The following DLG2 variants were observed in gnomAD, a reference collection of about 807,000 sequenced individuals.
DLG2 encodes discs large MAGUK scaffold protein 2.
A neutral mutation model predicts 132.5 loss-of-function variants in DLG2; 45 were observed. That is an observed-to-expected ratio of 0.34 (90% CI 0.27 to 0.44). The LOEUF is 0.44. Ranked by LOEUF, DLG2 falls within the 20% of genes least tolerant of loss-of-function variation. DLG2 has a pLI of 1.00. For missense variants in DLG2, 1,045 were observed against 1,196.9 expected (o/e 0.87, Z 1.87); for synonymous variants, 424 against 419.6 (o/e 1.01, Z -0.13).
chr11:84,729,587 A>G (rs1185016964), intron 6 of DLG2, among the ~76,000 whole-genome samples: 1 of 152,054 alleles, frequency 6.6e-6, no homozygotes, highest in Admixed American at 6.6e-5. Context: ...GTTCACCGTA[A>G]TTTCTAAGTC....
intron 11 of DLG2, among the ~76,000 whole-genome samples, chr11:84,027,389 G>A (rs1482004071): frequency 6.6e-6 from 1 of 151,948 alleles, no homozygotes; most frequent in Non-Finnish European, 1.5e-5. Context: ...TTTCTTAATT[G>A]ATAGTGAAGA....
chr11:84,881,555 C>G (rs1349964384), intron 6 of DLG2, among the ~76,000 whole-genome samples: 1 of 152,108 alleles, frequency 6.6e-6, no homozygotes, highest in Non-Finnish European at 1.5e-5. Flanking sequence ...ATTTGGGGCA[C>G]ATGATTGTGC....
intron 3 of DLG2, among the ~76,000 whole-genome samples, chr11:85,438,412 T>A (rs1023688247): frequency 6.6e-6 from 1 of 152,216 alleles, no homozygotes; most frequent in African/African-American, 2.4e-5. Flanking sequence ...CATGCCCTGA[T>A]ATATTTTAAA....
At chr11:84,721,190 C>T (rs2061797025) in intron 6 of DLG2, among the ~76,000 whole-genome samples, 1 of 152,144 alleles carries the variant, frequency 6.6e-6, no homozygotes, top group Non-Finnish European at 1.5e-5. Context: ...TCCTCCCAGC[C>T]CTTTGACAAC....
chr11:85,162,874 G>C (rs1382586368), intron 4 of DLG2, among the ~76,000 whole-genome samples: 2 of 152,160 alleles, frequency 1.3e-5, no homozygotes, highest in East Asian at 3.9e-4. Flanking sequence ...TCAAAGTATT[G>C]ATCCTGGGTG....
intron 15 of DLG2, among the ~76,000 whole-genome samples, chr11:83,889,421 C>G (rs2068973327): frequency 6.7e-6 from 1 of 149,958 alleles, no homozygotes. Context: ...CATCTCACAC[C>G]AGTTAGAATG....
intron 6 of DLG2, among the ~76,000 whole-genome samples, chr11:84,903,871 G>A (rs2091207942): frequency 2.6e-5 from 4 of 151,934 alleles, no homozygotes. Flanking sequence ...TCCAACAGGT[G>A]ATAAAAATCA....
At chr11:84,991,211 A>C (rs1453594755) in intron 6 of DLG2, among the ~76,000 whole-genome samples, 1 of 152,196 alleles carries the variant, frequency 6.6e-6, no homozygotes, top group Non-Finnish European at 1.5e-5. Flanking sequence ...AAGATGAAGA[A>C]AAGAAGAAAG....
chr11:83,618,257 T>C (rs1170846737), intron 19 of DLG2, among the ~76,000 whole-genome samples: 1 of 152,190 alleles, frequency 6.6e-6, no homozygotes, highest in African/African-American at 2.4e-5. Flanking sequence ...TCATCTAATA[T>C]ATAAAATATA....
rs576138645 is a variant in DLG2 at position 85,514,454 on chromosome 11, T to G, written c.40+84203A>C. Among the ~76,000 whole-genome samples, 16 of 152,130 alleles carry G rather than the reference T, an allele frequency of 1.1e-4. 1 individual carries two copies. In the South Asian group the frequency reaches 3.3e-3, roughly 32 times the overall value. On this transcript the variant is annotated intron_variant, in intron 3 of 27. Coordinates refer to ENST00000376104, the MANE Select transcript of DLG2 (RefSeq NM_001142699.3). ...CTTACTTTTCAATACAATTCAACTT[T>G]CATATTTTGACATCTTCTCTAACTT...
chr11:84,857,359 G>A (rs1209073541), intron 6 of DLG2, among the ~76,000 whole-genome samples: 1 of 151,776 alleles, frequency 6.6e-6, no homozygotes, highest in Admixed American at 6.6e-5. Flanking sequence ...GGCAACACAT[G>A]ATTATGCAAA....
At chr11:84,982,133 T>C (rs1353422863) in intron 6 of DLG2, among the ~76,000 whole-genome samples, 1 of 152,140 alleles carries the variant, frequency 6.6e-6, no homozygotes, top group East Asian at 1.9e-4. Context: ...TAGCCACCTA[T>C]TTAGTCCACC....
intron 6 of DLG2, among the ~76,000 whole-genome samples, chr11:85,077,173 A>G (rs543466099): frequency 6.6e-6 from 1 of 152,140 alleles, no homozygotes; most frequent in African/African-American, 2.4e-5. Context: ...ATGAAAAATC[A>G]TGTCTGTACA....
rs528471028 is a variant in DLG2, at chr11:83,741,658, C to T, written c.1825+45032G>A. Among the ~76,000 whole-genome samples the T allele has an allele frequency of 8.8e-4, 134 of 152,012 alleles. 1 individual carries two copies. Among genetic ancestry groups the T allele is most frequent in the Middle Eastern group, 3.4e-3 (1 of 294 alleles). ...CATCTCTGAAAGAAATCAAAGGCAA[C>T]ACAAATAAATGAAAAAATATTTCAT... On this transcript the variant is annotated intron_variant, in intron 18 of 27. Transcript: ENST00000376104.
At chr11:85,358,293 C>T (rs1036634731) in intron 3 of DLG2, among the ~76,000 whole-genome samples, 3 of 152,182 alleles carry the variant, frequency 2.0e-5, no homozygotes, top group Admixed American at 1.3e-4. Flanking sequence ...ACAACCACAG[C>T]TCCCTCACTC....
intron 18 of DLG2, among the ~76,000 whole-genome samples, chr11:83,716,492 TG>T (rs1464787720): frequency 6.6e-6 from 1 of 152,240 alleles, no homozygotes; most frequent in Non-Finnish European, 1.5e-5. Flanking sequence ...AGCTCAGTGG[TG>T]TTGCTTTAGA....
intron 6 of DLG2, among the ~76,000 whole-genome samples, chr11:85,018,554 G>A (rs748038987): frequency 9.9e-5 from 15 of 152,052 alleles, no homozygotes; most frequent in Admixed American, 5.2e-4. Context: ...TAGCAGCCAC[G>A]GATCTCACAT....
intron 5 of DLG2, among the ~76,000 whole-genome samples, chr11:85,142,432 T>C (rs2076555709): frequency 6.6e-6 from 1 of 151,794 alleles, no homozygotes; most frequent in Admixed American, 6.6e-5. Context: ...GTATTGAATT[T>C]ATTCTTCAGT....
chr11:83,729,756 G>A (rs1338145705), intron 18 of DLG2, among the ~76,000 whole-genome samples: 2 of 152,180 alleles, frequency 1.3e-5, no homozygotes, highest in African/African-American at 4.8e-5. Context: ...TCTGGGCAAA[G>A]TTGAATTGGC....
Sources: allele counts gnomAD v4.1 joint callset (sites outside exome capture counted in the v4.1 genomes callset), GRCh38; gene constraint gnomAD v4.1.1; transcripts MANE v1.5; gene names NCBI Gene and HGNC (gene_info 2026-07-23, HGNC 2026-07-21).